The following NAALADL2 variants were observed in gnomAD, a reference collection of about 807,000 sequenced individuals.
NAALADL2 encodes the protein N-acetylated alpha-linked acidic dipeptidase like 2.
A neutral mutation model predicts 87.2 loss-of-function variants in NAALADL2; 76 were observed. The observed-to-expected ratio is 0.87, with a 90% CI of 0.72 to 1.05. The LOEUF (loss-of-function observed/expected upper bound fraction) is 1.05. Among genes scored for constraint, NAALADL2 ranks in the 50% least tolerant of loss-of-function variants. The probability of loss-of-function intolerance (pLI) is 0.00; values close to 1 mark genes in which losing one functional copy is unlikely to be tolerated. For missense variants in NAALADL2, 1,089 were observed against 945.8 expected (o/e 1.15, Z -1.99); for synonymous variants, 354 against 331.0 (o/e 1.07, Z -0.75).
intron 2 of NAALADL2, among the ~76,000 whole-genome samples, chr3:175,165,996 G>A (rs1733945947): frequency 6.7e-6 from 1 of 149,024 alleles, no homozygotes; most frequent in African/African-American, 2.5e-5. Context: ...ACCATTTGCT[G>A]GCTTCTTCAA....
At chr3:175,564,312 T>C (rs970986776) in intron 9 of NAALADL2, among the ~76,000 whole-genome samples, 1 of 152,058 alleles carries the variant, frequency 6.6e-6, no homozygotes, top group South Asian at 2.1e-4. Flanking sequence ...GTTTCTTTGC[T>C]TCTGGTTTAC....
chr3:174,658,518 T>C (rs1725200297), intron 2 of NAALADL2, among the ~76,000 whole-genome samples: 1 of 152,172 alleles, frequency 6.6e-6, no homozygotes, highest in South Asian at 2.1e-4. Flanking sequence ...TGTAAGTATT[T>C]TTCCAGACAT....
At chr3:174,468,866 T>G (rs760322647) in intron 1 of NAALADL2, among the ~76,000 whole-genome samples, 4 of 149,116 alleles carry the variant, frequency 2.7e-5, no homozygotes, top group Non-Finnish European at 6.0e-5. Context: ...GGGTTCAAGC[T>G]GTTCTCCTGC....
intron 2 of NAALADL2, among the ~76,000 whole-genome samples, chr3:175,133,168 G>T (rs1251459886): frequency 6.6e-6 from 1 of 151,724 alleles, no homozygotes; most frequent in African/African-American, 2.4e-5. Context: ...TGGGATGGCC[G>T]CCGGGAAGAG....
chr3:174,464,285 A>T lies in NAALADL2; in HGVS notation c.-184+23253A>T, dbSNP rs569254738. On this transcript the variant is annotated intron_variant, in intron 1 of 3. Transcript: ENST00000434257. ...CTAACCTTATTCCAATCTGTATCTA[A>T]TTTTTTAAGCATAAACAGTAGTAGT... Among the ~76,000 whole-genome samples, 6 of 152,098 alleles carry T rather than the reference A, an allele frequency of 3.9e-5. No homozygotes were observed. The South Asian group carries it at 1.2e-3, about 32-fold the overall frequency.
At chr3:175,182,677 G>A (rs558191838) in intron 2 of NAALADL2, among the ~76,000 whole-genome samples, 127 of 149,110 alleles carry the variant, frequency 8.5e-4, no homozygotes, top group African/African-American at 2.9e-3. Context: ...GATTACAGGG[G>A]TAAGCCAATG....
At chr3:175,377,335 C>A (rs543123277) in intron 5 of NAALADL2, among the ~76,000 whole-genome samples, 1 of 152,160 alleles carries the variant, frequency 6.6e-6, no homozygotes, top group South Asian at 2.1e-4. Flanking sequence ...AAAAAATCAT[C>A]AAATTTGTTT....
chr3:175,431,580 G>A (rs7613835), intron 5 of NAALADL2, among the ~76,000 whole-genome samples: 122,940 of 151,788 alleles, frequency 0.81, 49,948 homozygotes, highest in East Asian at 0.87. Context: ...AAGGAATGTC[G>A]GCGTGCAGGC....
chr3:175,366,127 C>T (rs549043061), intron 5 of NAALADL2, among the ~76,000 whole-genome samples: 3,619 of 136,514 alleles, frequency 0.027, 282 homozygotes, highest in African/African-American at 0.084. Context: ...TTTGTCCTTG[C>T]GATAGTTTAC....
At chr3:174,595,885 G>A (rs1329065524) in intron 2 of NAALADL2, among the ~76,000 whole-genome samples, 1 of 152,090 alleles carries the variant, frequency 6.6e-6, no homozygotes, top group East Asian at 1.9e-4. Context: ...GGTGGCGCAT[G>A]CCTGTAATCC....
chr3:175,305,244 T>C (rs1026720639), intron 4 of NAALADL2, among the ~76,000 whole-genome samples: 1 of 131,656 alleles, frequency 7.6e-6, no homozygotes, highest in African/African-American at 3.4e-5. Flanking sequence ...GTGTGTGTGT[T>C]TGTGTATGTG....
intron 1 of NAALADL2, among the ~76,000 whole-genome samples, chr3:174,483,006 T>C (rs1052980957): frequency 2.0e-5 from 3 of 151,998 alleles, no homozygotes; most frequent in African/African-American, 7.2e-5. Flanking sequence ...TGTGCTTTAT[T>C]ATTAGCAACA....
intron 9 of NAALADL2, among the ~76,000 whole-genome samples, chr3:175,514,325 G>A (rs560749195): frequency 1.3e-5 from 2 of 152,156 alleles, no homozygotes; most frequent in African/African-American, 2.4e-5. Flanking sequence ...AAAATGTATA[G>A]GTTTATTAGA....
At chr3:175,211,751 A>G (rs935578312) in intron 2 of NAALADL2, among the ~76,000 whole-genome samples, 2 of 152,026 alleles carry the variant, frequency 1.3e-5, no homozygotes, top group Non-Finnish European at 2.9e-5. Context: ...TCCAAAGATA[A>G]CACATTGTGA....
intron 4 of NAALADL2, among the ~76,000 whole-genome samples, chr3:175,314,890 A>G (rs759054952): frequency 2.6e-5 from 4 of 151,362 alleles, no homozygotes; most frequent in Non-Finnish European, 4.4e-5. Context: ...CTCGACAACA[A>G]TAGAAATATT....
chr3:174,752,814 C>T (rs929992434), intron 3 of NAALADL2, among the ~76,000 whole-genome samples: 14 of 152,060 alleles, frequency 9.2e-5, no homozygotes, highest in African/African-American at 3.4e-4. Context: ...GTAGGAGTCA[C>T]ATATTTCATA....
intron 5 of NAALADL2, among the ~76,000 whole-genome samples, chr3:175,441,638 TACA>T (rs1719780654): frequency 2.0e-5 from 3 of 151,014 alleles, no homozygotes; most frequent in Admixed American, 1.3e-4. Context: ...GAAGGATCTG[TACA>T]ACATTGAGTG....
intron 5 of NAALADL2, among the ~76,000 whole-genome samples, chr3:175,341,701 T>A (rs7641016): frequency 0.022 from 3,382 of 152,226 alleles, 126 homozygotes; most frequent in African/African-American, 0.077. Flanking sequence ...TGTTATTTTT[T>A]AAAATTATAA....
intron 5 of NAALADL2, among the ~76,000 whole-genome samples, chr3:175,435,422 T>C (rs1282182924): frequency 6.6e-6 from 1 of 152,088 alleles, no homozygotes; most frequent in African/African-American, 2.4e-5. Context: ...AGATTTCAAC[T>C]AACATATAAT....
Sources: gnomAD v4.1 joint callset for allele counts (sites outside exome capture counted in the v4.1 genomes callset) on GRCh38, gnomAD v4.1.1 for gene constraint, MANE v1.5 for transcripts, NCBI Gene and HGNC (gene_info 2026-07-23, HGNC 2026-07-21) for gene names.